TMED3: variants seen among roughly 807,000 people sequenced by gnomAD.
TMED3 encodes transmembrane emp24 domain-containing protein 3.
TMED3 carries 9 observed loss-of-function variants against 15.0 expected under a neutral mutation model. That is an observed-to-expected ratio of 0.60 (90% CI 0.36 to 1.04). The LOEUF (loss-of-function observed/expected upper bound fraction) is 1.04. Ranked by LOEUF, TMED3 falls within the 50% of genes least tolerant of loss-of-function variation. The pLI, the probability that TMED3 is intolerant of heterozygous loss-of-function variation, is 0.01. For synonymous variants in TMED3, 117 were observed against 121.4 expected (o/e 0.96, Z 0.24); for missense variants, 267 against 278.9 (o/e 0.96, Z 0.30).
chr15:79,398,128 G>A (rs1358344552), intron 2 of TMED3, among the ~76,000 whole-genome samples: 3 of 151,912 alleles, frequency 2.0e-5, no homozygotes, highest in African/African-American at 4.8e-5. Context: ...AAACCTCTGC[G>A]CTCTACCTAT....
At chr15:79,315,579 G>C (rs1177925448) in intron 2 of TMED3, among the ~76,000 whole-genome samples, 1 of 152,202 alleles carries the variant, frequency 6.6e-6, no homozygotes, top group Non-Finnish European at 1.5e-5. Context: ...GGTAGGAAAA[G>C]CCTTAAAGAA....
chr15:79,355,521 C>T (rs2058915529), intron 2 of TMED3, among the ~76,000 whole-genome samples: 2 of 152,204 alleles, frequency 1.3e-5, no homozygotes, highest in African/African-American at 4.8e-5. Flanking sequence ...AAAAGCAGGG[C>T]TCCAGTCCTG....
At chr15:79,332,101 T>C (rs2058811594) in intron 2 of TMED3, among the ~76,000 whole-genome samples, 1 of 152,112 alleles carries the variant, frequency 6.6e-6, no homozygotes, top group African/African-American at 2.4e-5. Context: ...AAAAAGACTT[T>C]CCAGGGAAAT....
chr15:79,396,710 G>A (rs1420074345), intron 2 of TMED3, among the ~76,000 whole-genome samples: 1 of 152,216 alleles, frequency 6.6e-6, no homozygotes, highest in Non-Finnish European at 1.5e-5. Context: ...CTGGTCACAT[G>A]TGGCTGTGGT....
At chr15:79,380,581 TTA>T (rs375808118) in intron 2 of TMED3, among the ~76,000 whole-genome samples, 6,022 of 102,752 alleles carry the variant, frequency 0.059, 237 homozygotes, top group East Asian at 0.14. Flanking sequence ...ATATATAGTT[TTA>T]TATATATATA....
chr15:79,349,848 C>T (rs950732130), intron 2 of TMED3, among the ~76,000 whole-genome samples: 3 of 152,190 alleles, frequency 2.0e-5, no homozygotes, highest in African/African-American at 4.8e-5. Context: ...TCAACATCCT[C>T]CTATTGGAGG....
intron 2 of TMED3, among the ~76,000 whole-genome samples, chr15:79,343,024 A>T (rs181074803): frequency 6.6e-6 from 1 of 152,286 alleles, no homozygotes; most frequent in East Asian, 1.9e-4. Context: ...TGAGCAGGGG[A>T]CATTTCAGCT....
intron 2 of TMED3, among the ~76,000 whole-genome samples, chr15:79,332,654 A>G (rs1040074630): frequency 2.0e-5 from 3 of 152,194 alleles, no homozygotes; most frequent in Non-Finnish European, 2.9e-5. Flanking sequence ...CGGCAGGCCC[A>G]TTCTCGCTTA....
intron 2 of TMED3, among the ~76,000 whole-genome samples, chr15:79,352,842 AT>A (rs1418891587): frequency 1.1e-4 from 14 of 131,182 alleles, no homozygotes; most frequent in African/African-American, 3.6e-4. Flanking sequence ...ATATATATAT[AT>A]ATAAAATATA....
At chr15:79,360,036 C>G (rs1893093775) in intron 2 of TMED3, among the ~76,000 whole-genome samples, 1 of 152,284 alleles carries the variant, frequency 6.6e-6, no homozygotes, top group East Asian at 1.9e-4. Context: ...TTTAGCAAAA[C>G]TGTAGTAAAT....
intron 2 of TMED3, among the ~76,000 whole-genome samples, chr15:79,405,580 G>A (rs553776922): frequency 6.6e-6 from 1 of 152,264 alleles, no homozygotes; most frequent in Middle Eastern, 3.4e-3. Context: ...AATCTTACAG[G>A]GAATAACCTG....
intron 2 of TMED3, among the ~76,000 whole-genome samples, chr15:79,331,542 C>CAAAAAAAAAA: frequency 1.1e-5 from 1 of 89,242 alleles, no homozygotes; most frequent in Non-Finnish European, 2.1e-5. Flanking sequence ...GCAAAAGAAG[C>CAAAAAAAAAA]AAAAAAAAAA....
intron 2 of TMED3, 55 bp downstream of exon 2, chr15:79,314,060 A>T: frequency 6.3e-7 from 1 of 1,596,224 alleles, no homozygotes; most frequent in Non-Finnish European, 8.5e-7. Flanking sequence ...GTTCCTCTTC[A>T]TTGGCCTCTG....
At chr15:79,352,648 C>T (rs1276111586) in intron 2 of TMED3, among the ~76,000 whole-genome samples, 1 of 129,452 alleles carries the variant, frequency 7.7e-6, no homozygotes, top group Non-Finnish European at 1.6e-5. Context: ...GCGGAAAACA[C>T]AAGGTCATTA....
At chr15:79,338,858 G>A (rs1040274307) in intron 2 of TMED3, among the ~76,000 whole-genome samples, 7 of 151,934 alleles carry the variant, frequency 4.6e-5, no homozygotes, top group East Asian at 1.9e-4. Context: ...GTGGTCTAGC[G>A]GTAGCGTAAG....
intron 2 of TMED3, among the ~76,000 whole-genome samples, chr15:79,371,749 T>G (rs1893343597): frequency 6.6e-6 from 1 of 152,186 alleles, no homozygotes; most frequent in African/African-American, 2.4e-5. Context: ...CCAAGACCAG[T>G]TCTTTAGGTT....
chr15:79,314,760 G>C (rs1271622149), intron 2 of TMED3: 2 of 276,044 alleles, frequency 7.2e-6, no homozygotes, highest in Admixed American at 3.9e-5. Context: ...ATTTTGGGGG[G>C]ATAGTCATGT....
At chr15:79,331,910 G>A (rs2058810783) in intron 2 of TMED3, among the ~76,000 whole-genome samples, 1 of 152,256 alleles carries the variant, frequency 6.6e-6, no homozygotes, top group Non-Finnish European at 1.5e-5. Context: ...ACAAATACTG[G>A]TGAGGATGCA....
intron 2 of TMED3, among the ~76,000 whole-genome samples, chr15:79,385,180 T>G (rs1271868064): frequency 6.6e-6 from 1 of 152,162 alleles, no homozygotes; most frequent in African/African-American, 2.4e-5. Context: ...CACCAGGCCC[T>G]GGGGCTGACA....
Sources: allele counts gnomAD v4.1 joint callset (sites outside exome capture counted in the v4.1 genomes callset), GRCh38; gene constraint gnomAD v4.1.1; transcripts MANE v1.5; gene names NCBI Gene and HGNC (gene_info 2026-07-23, HGNC 2026-07-21).